The following RGPD2 variants were observed in gnomAD, a reference collection of about 807,000 sequenced individuals.
The protein encoded by RGPD2 is RANBP2 like and GRIP domain containing 2.
Under a neutral mutation model 36.0 loss-of-function variants are expected in RGPD2, and 2 were observed. The observed-to-expected ratio is 0.06, with a 90% confidence interval of 0.02 to 0.17. RGPD2 has a LOEUF of 0.17. Ranked by LOEUF, RGPD2 falls within the 10% of genes least tolerant of loss-of-function variation. The pLI is 1.00. For missense variants in RGPD2, 40 were observed against 464.3 expected, an observed-to-expected ratio of 0.09 and a Z score of 8.40; for synonymous variants, 19 against 163.8, an observed-to-expected ratio of 0.12 and a Z score of 6.75.
the RGPD2 span, among the ~76,000 whole-genome samples, chr2:87,923,116 T>A: frequency 6.6e-6 from 1 of 151,868 alleles, no homozygotes; most frequent in African/African-American, 2.4e-5. Context: ...ACTCAGTAAT[T>A]GCATATCCTC....
Position 87,825,755 on chromosome 2 carries a change from C to T in RGPD2, c.-26G>A, listed in dbSNP as rs1245916261. The T allele has an allele frequency of 1.9e-6, 3 of 1,582,268 alleles. No homozygotes were observed. Among genetic ancestry groups the T allele is most frequent in the Non-Finnish European group, 2.6e-6 (3 of 1,164,380 alleles). ...CGCACCGCCAACCTGGCTCCCGAGA[C>T]GCGTGAAACCAGCGCTCAGCCCCGC... On this transcript the variant is annotated 5_prime_UTR_variant, in exon 1 of 23. Coordinates refer to ENST00000398146, the MANE Select transcript of RGPD2 (RefSeq NM_001078170.3).
At chr2:87,854,598 CTG>C in the RGPD2 span, among the ~76,000 whole-genome samples, 1 of 151,548 alleles carries the variant, frequency 6.6e-6, no homozygotes, top group Non-Finnish European at 1.5e-5. Context: ...TATTCCAGAG[CTG>C]TGTTAGGAGG....
the RGPD2 span, among the ~76,000 whole-genome samples, chr2:87,951,375 G>A: frequency 6.6e-6 from 1 of 151,642 alleles, no homozygotes; most frequent in African/African-American, 2.4e-5. Flanking sequence ...AGGGACTTTC[G>A]AGATATCTGT....
At chr2:87,975,005 T>A in the RGPD2 span, among the ~76,000 whole-genome samples, 1 of 152,126 alleles carries the variant, frequency 6.6e-6, no homozygotes, top group African/African-American at 2.4e-5. Flanking sequence ...GTCCACACAA[T>A]GGCTTACAAG....
rs1269113238 is a variant in RGPD2, at chr2:87,824,717, CGCCGCCGCCGCCCGGCCAGGCCGAG to C, written c.72+916_72+940del. On this transcript the variant is annotated intron_variant, in intron 1 of 22. Coordinates refer to ENST00000398146, the MANE Select transcript of RGPD2 (RefSeq NM_001078170.3). ...AGAGAGGTGAGGCCGAGGCCGAGGC[CGCCGCCGCCGCCCGGCCAGGCCGAG>C]GCCGCCGCCGCCGCCGCCGCCGCCG... Among the ~76,000 whole-genome samples the C allele has an allele frequency of 3.0e-3, 371 of 122,458 alleles. 4 individuals carry two copies. Among genetic ancestry groups the C allele is most frequent in the Non-Finnish European group, 5.0e-3 (264 of 52,596 alleles). The allele number at this position is 122,458 out of a possible 152,430, so 80.3% of individuals were successfully genotyped here. A position where few individuals can be genotyped will look rare whatever the true frequency, so the allele number is the denominator to read the frequency against.
chr2:87,825,493 C>CGA (rs1400203830), intron 1 of RGPD2, among the ~76,000 whole-genome samples, 165 bp downstream of exon 1: 1 of 69,108 alleles, frequency 1.4e-5, no homozygotes, highest in African/African-American at 5.2e-5. Context: ...CGCCGCCGCC[C>CGA]GGCCGAGGCC....
the RGPD2 span, among the ~76,000 whole-genome samples, chr2:87,876,824 A>T: frequency 2.6e-5 from 4 of 152,054 alleles, no homozygotes; most frequent in African/African-American, 9.7e-5. Context: ...TCTCACTATT[A>T]TTCTGTGGGA....
the RGPD2 span, among the ~76,000 whole-genome samples, chr2:87,905,298 T>G: frequency 6.6e-6 from 1 of 152,230 alleles, no homozygotes; most frequent in African/African-American, 2.4e-5. Flanking sequence ...CATTCTGCAG[T>G]TCACAGGATT....
At chr2:87,844,859 A>G in the RGPD2 span, among the ~76,000 whole-genome samples, 2 of 133,670 alleles carry the variant, frequency 1.5e-5, no homozygotes, top group East Asian at 2.2e-4. Context: ...TATTTAGTTT[A>G]TAATCATCCA....
the RGPD2 span, among the ~76,000 whole-genome samples, chr2:87,876,607 G>C: frequency 6.6e-6 from 1 of 152,272 alleles, no homozygotes; most frequent in Non-Finnish European, 1.5e-5. Context: ...CATTTACTGA[G>C]GAGTGTTTTA....
Position 87,784,304 on chromosome 2 carries a change from G to GA in RGPD2, c.2719dup (p.Ser907PhefsTer7). On this transcript the variant is annotated frameshift_variant, in exon 20 of 23. Coordinates refer to ENST00000398146, the MANE Select transcript of RGPD2 (RefSeq NM_001078170.3). LOFTEE classifies it high-confidence loss of function. ...AAATCCATCAGCAGACACAGCGATG[G>GA]AAAATCCTTCTTTGGTTGACTTAAA... The GA allele has an allele frequency of 9.1e-7, 1 of 1,094,524 alleles. No individual in the cohort carries two copies. The highest frequency in any genetic ancestry group is 1.3e-6 in the Non-Finnish European group (1 of 783,564). The allele number at this position is 1,094,524 out of a possible 1,614,324, so 67.8% of individuals were successfully genotyped here. A position where few individuals can be genotyped will look rare whatever the true frequency, so the allele number is the denominator to read the frequency against.
upstream of RGPD2, among the ~76,000 whole-genome samples, chr2:87,826,261 A>G (rs1686808967): frequency 6.6e-6 from 1 of 150,886 alleles, no homozygotes; most frequent in Admixed American, 6.6e-5. Context: ...TACTTGTAGC[A>G]ACATAGCTGA....
chr2:87,915,611 T>C, the RGPD2 span, among the ~76,000 whole-genome samples: 2 of 140,172 alleles, frequency 1.4e-5, no homozygotes, highest in East Asian at 4.0e-4. Flanking sequence ...TGTGTGTATA[T>C]ATATACACAT....
the RGPD2 span, among the ~76,000 whole-genome samples, chr2:87,948,541 C>A: frequency 6.8e-6 from 1 of 146,724 alleles, no homozygotes; most frequent in African/African-American, 2.5e-5. Flanking sequence ...GCCACCACAC[C>A]CTGCTAATTT....
chr2:87,825,474 C>G (rs1156813623), intron 1 of RGPD2, among the ~76,000 whole-genome samples, 184 bp downstream of exon 1: 2 of 113,392 alleles, frequency 1.8e-5, no homozygotes, highest in African/African-American at 6.3e-5. Context: ...CCGAGGCCGC[C>G]GTCGCCGCCG....
the RGPD2 span, among the ~76,000 whole-genome samples, chr2:87,924,625 A>C: frequency 1.3e-5 from 2 of 152,116 alleles, no homozygotes; most frequent in Non-Finnish European, 2.9e-5. Context: ...TAAATGTATT[A>C]GTAGCTAAGA....
At chr2:87,915,093 G>A in the RGPD2 span, among the ~76,000 whole-genome samples, 904 of 151,686 alleles carry the variant, frequency 6.0e-3, 4 homozygotes, top group Non-Finnish European at 8.6e-3. Flanking sequence ...GTTGCAGTGA[G>A]CCAAGATTGC....
the RGPD2 span, among the ~76,000 whole-genome samples, chr2:87,913,579 G>A: frequency 7.3e-5 from 11 of 150,548 alleles, no homozygotes; most frequent in East Asian, 5.8e-4. Context: ...TGGGTTCTTC[G>A]GGAATGTGAT....
At chr2:87,919,980 T>G in the RGPD2 span, among the ~76,000 whole-genome samples, 1 of 151,968 alleles carries the variant, frequency 6.6e-6, no homozygotes, top group African/African-American at 2.4e-5. Flanking sequence ...CATAGTGCAT[T>G]CCTATAAACT....
Sources: allele counts gnomAD v4.1 joint callset (sites outside exome capture counted in the v4.1 genomes callset), GRCh38; gene constraint gnomAD v4.1.1; transcripts MANE v1.5; gene names NCBI Gene and HGNC (gene_info 2026-07-23, HGNC 2026-07-21).